The following SMYD1 variants were observed in gnomAD, a reference collection of about 807,000 sequenced individuals.
The protein encoded by SMYD1 is histone-lysine N-methyltransferase SMYD1.
A neutral mutation model predicts 54.0 loss-of-function variants in SMYD1; 49 were observed. The ratio of observed to expected loss-of-function variants is 0.91; its 90% CI spans 0.72 to 1.15. The LOEUF (loss-of-function observed/expected upper bound fraction) is 1.15. Ranked by LOEUF, SMYD1 falls within the 50% of genes most tolerant of loss-of-function variation. SMYD1 has a pLI of 0.00. For missense variants in SMYD1, 653 were observed against 639.6 expected, an observed-to-expected ratio of 1.02 and a Z score of -0.23; for synonymous variants, 269 against 234.2, an observed-to-expected ratio of 1.15 and a Z score of -1.36.
chr2:88,091,208 T>C (rs1241174404), intron 4 of SMYD1, 66 bp downstream of exon 4: 20 of 1,542,056 alleles, frequency 1.3e-5, no homozygotes, highest in East Asian at 4.7e-5. Flanking sequence ...TTTTCTCCAC[T>C]TGACTTAAGC....
chr2:88,087,857 C>CGACGAAG lies in SMYD1; in HGVS notation c.315-5_315-4insGACGAAG. 6.4e-7 allele frequency: 1 copy of CGACGAAG among 1,560,412 alleles called. No homozygotes were observed. The highest frequency in any genetic ancestry group is 8.7e-7 in the Non-Finnish European group (1 of 1,152,694). On this transcript the variant is annotated splice_region_variant and splice_polypyrimidine_tract_variant and intron_variant, in intron 2 of 9. Transcript: ENST00000419482. The stretch of plus-strand genomic sequence containing the variant: ...AGTGGCCTCCTGACGCTGCCCTTCC[C>CGACGAAG]ACAGGCTGGCGGCGCGCATCATGTG...
intron 1 of SMYD1, among the ~76,000 whole-genome samples, 180 bp from the exon 2 acceptor site, chr2:88,084,136 T>C (rs1041986330): frequency 1.3e-5 from 2 of 152,080 alleles, no homozygotes; most frequent in Admixed American, 1.3e-4. Context: ...CTAAAGTAAT[T>C]GTTATAGCTG....
intron 1 of SMYD1, among the ~76,000 whole-genome samples, chr2:88,081,557 T>C (rs1674193114): frequency 1.3e-5 from 2 of 151,802 alleles, no homozygotes; most frequent in Non-Finnish European, 2.9e-5. Flanking sequence ...TGCTTCAGAC[T>C]CCCGAGTAGC....
intron 1 of SMYD1, 47 bp downstream of exon 1, chr2:88,068,048 G>T (rs778189384): frequency 1.3e-6 from 2 of 1,579,040 alleles, no homozygotes; most frequent in Non-Finnish European, 1.7e-6. Flanking sequence ...TTTGGCTGGG[G>T]CCAAACTCTA....
At chr2:88,079,469 T>C (rs1473131837) in intron 1 of SMYD1, among the ~76,000 whole-genome samples, 2 of 152,124 alleles carry the variant, frequency 1.3e-5, no homozygotes, top group South Asian at 2.1e-4. Flanking sequence ...ACAAGCAGCG[T>C]GGACTAAGTA....
Position 88,106,397 on chromosome 2 carries a change from CG to C in SMYD1, c.1056del (p.Met353CysfsTer2). The C allele has an allele frequency of 2.5e-6, 4 of 1,614,170 alleles. No homozygotes were observed. Among genetic ancestry groups the C allele is most frequent in the Non-Finnish European group, 3.4e-6 (4 of 1,180,030 alleles). ...TGCTGACACCAACATCTACATGCTGCGGATGCTGAGCATTGTTTCGGAGGTC... is the reference window on the plus strand; with the variant it reads ...TGCTGACACCAACATCTACATGCTGCGATGCTGAGCATTGTTTCGGAGGTC... ...VFADTNIYML[R>X]MLSIVSEVLS... On this transcript the variant is annotated frameshift_variant, in exon 8 of 10. Transcript: ENST00000419482. LOFTEE classifies it high-confidence loss of function.
rs1186344863 is a variant in SMYD1, at chr2:88,086,181, C to A, written c.315-1681C>A. On this transcript the variant is annotated intron_variant, in intron 2 of 9. Coordinates refer to ENST00000419482, the MANE Select transcript of SMYD1 (RefSeq NM_198274.4). ...GTGATATTAGTTCTCTAAAATGTTA[C>A]CATTGGAGAAAACTGGGCAAAATGT... Among the ~76,000 whole-genome samples the A allele has an allele frequency of 2.0e-5, 3 of 152,276 alleles. No homozygotes were observed. The East Asian group carries it at 5.8e-4, about 29-fold the overall frequency.
At position 88,075,785 on chromosome 2, in the gene SMYD1, C is replaced by T. The variant is rs1052358224; in HGVS notation, c.137+7784C>T. Among the ~76,000 whole-genome samples the T allele has an allele frequency of 4.6e-5, 7 of 152,080 alleles. No individual in the cohort carries two copies. The South Asian group carries it at 8.3e-4, about 18-fold the overall frequency. On this transcript the variant is annotated intron_variant, in intron 1 of 9. Transcript: ENST00000419482. ...CTCAAACTCCTGGGCTCAAGTGATCCTCCTGCCTCAGCCTCCCAAAGTTCT... is the reference window on the plus strand; with the variant it reads ...CTCAAACTCCTGGGCTCAAGTGATCTTCCTGCCTCAGCCTCCCAAAGTTCT...
intron 2 of SMYD1, 25 bp from the exon 3 acceptor site, chr2:88,087,837 C>G: frequency 6.5e-7 from 1 of 1,526,742 alleles, no homozygotes; most frequent in Non-Finnish European, 8.8e-7. Context: ...GCTGTAGTGG[C>G]CTCCTGACGC....
intron 1 of SMYD1, among the ~76,000 whole-genome samples, chr2:88,076,036 T>G (rs950857573): frequency 3.9e-5 from 6 of 152,118 alleles, no homozygotes; most frequent in Non-Finnish European, 5.9e-5. Context: ...GAACAATGCC[T>G]CCTCATCTCG....
At position 88,106,689 on chromosome 2, in the gene SMYD1, T is replaced by A. The variant is rs150080920; in HGVS notation, c.1145+201T>A. On this transcript the variant is annotated intron_variant, in intron 8 of 9. Coordinates refer to ENST00000419482, the MANE Select transcript of SMYD1 (RefSeq NM_198274.4). ...GACCAATCAGAGTTTGTGCTTGAGA[T>A]GAAACCTATTTGTCATCCCTGGTCT... 3.0e-3 allele frequency among the ~76,000 whole-genome samples: 455 copies of A among 152,290 alleles called. 1 individual carries two copies. The highest frequency in any genetic ancestry group is 0.011 in the African/African-American group (441 of 41,550).
chr2:88,071,251 T>C (rs1673940898), intron 1 of SMYD1, among the ~76,000 whole-genome samples: 1 of 152,224 alleles, frequency 6.6e-6, no homozygotes, highest in Non-Finnish European at 1.5e-5. Flanking sequence ...GAGGTGTGTA[T>C]CACAGAAGTG....
At chr2:88,093,421 A>G in intron 4 of SMYD1, 96 bp from the exon 5 acceptor site, 3 of 1,430,998 alleles carry the variant, frequency 2.1e-6, no homozygotes, top group African/African-American at 1.4e-5. Flanking sequence ...CAAAGCTTTG[A>G]TACTGTGACC....
At chr2:88,101,748 G>A (rs1674725658) in intron 6 of SMYD1, among the ~76,000 whole-genome samples, 1 of 152,176 alleles carries the variant, frequency 6.6e-6, no homozygotes, top group South Asian at 2.1e-4. Flanking sequence ...TAGGACTACA[G>A]ACGTGTGCCA....
chr2:88,068,755 A>G (rs1310944389), intron 1 of SMYD1, among the ~76,000 whole-genome samples: 2 of 151,940 alleles, frequency 1.3e-5, no homozygotes, highest in African/African-American at 2.4e-5. Flanking sequence ...CCAAAGATCT[A>G]TTTCCTTTAT....
rs551523879 is a variant in SMYD1, at chr2:88,092,031, G to A, written c.659+889G>A. Among the ~76,000 whole-genome samples the A allele has an allele frequency of 4.6e-5, 7 of 152,318 alleles. No homozygotes were observed. In the East Asian group the frequency reaches 7.7e-4, roughly 17 times the overall value. On this transcript the variant is annotated intron_variant, in intron 4 of 9. Transcript: ENST00000419482. The stretch of plus-strand genomic sequence containing the variant: ...TCTGCAGCTAGTGAGAGCTGGACCC[G>A]GGATAGAGGGCCCCCAACAGCTCAG...
rs1381514043 is a variant in SMYD1 at position 88,111,402 on chromosome 2, GAAT to G, written c.*891_*893del. ...ATATTTTCAAAGTGAAGCTGAGAGA[GAAT>G]CTTGGAAACACACATACCTGTTGAT... is the stretch of plus-strand genomic sequence containing the variant. On this transcript the variant is annotated 3_prime_UTR_variant, in exon 10 of 10. Transcript: ENST00000419482. 1 of 152,226 alleles carries G rather than the reference GAAT, an allele frequency of 6.6e-6. No individual in the cohort carries two copies. Among genetic ancestry groups the G allele is most frequent in the Non-Finnish European group, 1.5e-5 (1 of 68,046 alleles). The allele number at this position is 152,226 out of a possible 1,614,324, so 9.4% of individuals were successfully genotyped here.
intron 2 of SMYD1, among the ~76,000 whole-genome samples, chr2:88,086,031 G>A (rs1416849297): frequency 6.6e-6 from 1 of 152,214 alleles, no homozygotes; most frequent in Non-Finnish European, 1.5e-5. Context: ...TGTCTTGACT[G>A]TGTAGGTGGA....
chr2:88,106,718 C>T (rs1674884241), intron 8 of SMYD1, among the ~76,000 whole-genome samples: 1 of 152,160 alleles, frequency 6.6e-6, no homozygotes, highest in Middle Eastern at 3.2e-3. Context: ...CTGGTCTTTC[C>T]CAAATTCTCC....
Sources: gnomAD v4.1 joint callset for allele counts (sites outside exome capture counted in the v4.1 genomes callset) on GRCh38, gnomAD v4.1.1 for gene constraint, MANE v1.5 for transcripts, NCBI Gene and HGNC (gene_info 2026-07-23, HGNC 2026-07-21) for gene names.